TAF1C: variants seen among roughly 807,000 people sequenced by gnomAD.
TAF1C encodes the protein TATA box-binding protein-associated factor RNA polymerase I subunit C.
Under a neutral mutation model 70.5 loss-of-function variants are expected in TAF1C, and 79 were observed. The ratio of observed to expected loss-of-function variants is 1.12; its 90% CI spans 0.93 to 1.35. TAF1C has a LOEUF of 1.35. TAF1C is among the 40% of genes most tolerant of loss of function. TAF1C has a pLI of 0.00. For missense variants in TAF1C, 1,412 were observed against 1,127.8 expected (o/e 1.25, Z -3.61); for synonymous variants, 614 against 491.1 (o/e 1.25, Z -3.31).
Position 84,184,983 on chromosome 16 carries a change from G to T in TAF1C, c.6C>A (p.Asp2Glu), listed in dbSNP as rs781491843. 1.2e-5 allele frequency: 19 copies of T among 1,613,120 alleles called. 2 individuals are homozygous for T. The South Asian group carries it at 1.9e-4, about 16-fold the overall frequency. Reference protein sequence around the residue: MDFPSSLRPALF... With the variant: MEFPSSLRPALF... ...ATGCAGGGCGGAGGGAGCTGGGGAA[G>T]TCCATCCTGGAAACAAGGACCAAGC... The change falls in exon 2 of 15, where the codon GAC becomes GAA. Residue 2 changes from aspartate (D) to glutamate (E), a missense_variant. By Grantham distance (45) the Asp-to-Glu change is conservative. Coordinates refer to ENST00000566732, the MANE Select transcript of TAF1C (RefSeq NM_001243156.2).
chr16:84,183,853 T>A, intron 2 of TAF1C, 75 bp from the exon 3 acceptor site: 1 of 1,156,680 alleles, frequency 8.6e-7, no homozygotes. Context: ...CAGGCATTCA[T>A]CTCTTATCAA....
intron 12 of TAF1C, 169 bp downstream of exon 12, chr16:84,180,874 G>T (rs1249172629): frequency 9.1e-6 from 13 of 1,422,336 alleles, no homozygotes; most frequent in Admixed American, 2.9e-5. Flanking sequence ...CTGCCTGTTA[G>T]CACCGACTGT....
chr16:84,184,208 G>A (rs891422089), intron 2 of TAF1C, among the ~76,000 whole-genome samples: 9 of 152,172 alleles, frequency 5.9e-5, no homozygotes, highest in Non-Finnish European at 1.2e-4. Flanking sequence ...ACATTCAGGG[G>A]ACAAAAGAGC....
At position 84,182,722 on chromosome 16, in the gene TAF1C, G is replaced by A. The variant is rs1420397275; in HGVS notation, c.483-282C>T. Reference sequence around the variant, plus strand: ...CCTTTCTGGGACTTCTGGTGCCGCAGGAAGGACACTGGCTCTTTCCTTAGA... The same window carrying A: ...CCTTTCTGGGACTTCTGGTGCCGCAAGAAGGACACTGGCTCTTTCCTTAGA... On this transcript the variant is annotated intron_variant, in intron 6 of 14. Coordinates refer to ENST00000566732, the MANE Select transcript of TAF1C (RefSeq NM_001243156.2). The surrounding 1 kb of genome is among the most constrained non-coding windows in gnomAD (Gnocchi z 5.0). Among the ~76,000 whole-genome samples, 1 of 152,200 alleles carries A rather than the reference G, an allele frequency of 6.6e-6. No homozygotes were observed. Among genetic ancestry groups the A allele is most frequent in the Non-Finnish European group, 1.5e-5 (1 of 68,038 alleles).
intron 1 of TAF1C, chr16:84,185,512 T>C (rs1436166817): frequency 1.3e-5 from 2 of 152,400 alleles, no homozygotes; most frequent in Non-Finnish European, 2.9e-5. Context: ...ACGCTCAAGT[T>C]ACTCCACAGC....
rs374318119 is a variant in TAF1C, at chr16:84,181,743, C to A, written c.956+3G>T. 3.1e-6 allele frequency: 5 copies of A among 1,613,892 alleles called. No individual in the cohort carries two copies. The highest frequency in any genetic ancestry group is 4.2e-6 in the Non-Finnish European group (5 of 1,179,892). On this transcript the variant is annotated splice_donor_region_variant and intron_variant, in intron 9 of 14. Transcript: ENST00000566732. Reference sequence around the variant, plus strand: ...CCTCACCGACCAACCTGACCCCCCTCACCTGAGGCTGATCCCCGTGGCCCC... The same window carrying A: ...CCTCACCGACCAACCTGACCCCCCTAACCTGAGGCTGATCCCCGTGGCCCC...
rs777902421 is a variant in TAF1C, at chr16:84,182,482, CAG to C, written c.483-44_483-43del. ...AGCAGGAGGATCACTCGGTGGCACT[CAG>C]GGGAGGACAGGTCCCATCCCAAGGA... is the stretch of plus-strand genomic sequence containing the variant. On this transcript the variant is annotated intron_variant, in intron 6 of 14. Coordinates refer to ENST00000566732, the MANE Select transcript of TAF1C (RefSeq NM_001243156.2). The surrounding 1 kb of genome is among the most constrained non-coding windows in gnomAD (Gnocchi z 5.0). 6.5e-6 allele frequency: 10 copies of C among 1,547,162 alleles called. No homozygotes were observed. The highest frequency in any genetic ancestry group is 3.5e-5 in the South Asian group (3 of 85,602).
rs373089374 is a variant in TAF1C at position 84,183,196 on chromosome 16, C to A, written c.409-47G>T. 3.3e-5 allele frequency: 54 copies of A among 1,613,992 alleles called. No homozygotes were observed. In the African/African-American group the frequency reaches 6.4e-4, roughly 19 times the overall value. ...GGCTCACACACCCTCGAGTTCACCC[C>A]TGAAGGACAGCAGGGAGTCCCCACC... On this transcript the variant is annotated intron_variant, in intron 5 of 14. Coordinates refer to ENST00000566732, the MANE Select transcript of TAF1C (RefSeq NM_001243156.2).
intron 1 of TAF1C, among the ~76,000 whole-genome samples, 163 bp downstream of exon 1, chr16:84,186,738 C>G (rs2288026): frequency 0.081 from 12,305 of 152,230 alleles, 628 homozygotes; most frequent in South Asian, 0.17. Context: ...ACCTCCAAGG[C>G]TACAGAACTC....
At position 84,178,756 on chromosome 16, in the gene TAF1C, A is replaced by G. The variant is rs544469664; in HGVS notation, c.*185T>C. 34 of 632,198 alleles carry G rather than the reference A, an allele frequency of 5.4e-5. 1 individual carries two copies. The South Asian group carries it at 7.0e-4, about 13-fold the overall frequency. The allele number at this position is 632,198 out of a possible 1,614,324, so 39.2% of individuals were successfully genotyped here. ...CAGGCGAATATACAAAATACAAAAGAAACTACTACTGTATTTTGTTGCCCT... is the reference window on the plus strand; with the variant it reads ...CAGGCGAATATACAAAATACAAAAGGAACTACTACTGTATTTTGTTGCCCT... On this transcript the variant is annotated 3_prime_UTR_variant, in exon 15 of 15. Transcript: ENST00000566732.
intron 2 of TAF1C, among the ~76,000 whole-genome samples, chr16:84,184,347 C>T (rs2089368794): frequency 6.6e-6 from 1 of 152,190 alleles, no homozygotes; most frequent in South Asian, 2.1e-4. Flanking sequence ...ACCCACTTGC[C>T]TCTGCCAGGC....
chr16:84,184,242 G>T (rs975596338), intron 2 of TAF1C, among the ~76,000 whole-genome samples: 1 of 152,194 alleles, frequency 6.6e-6, no homozygotes. Flanking sequence ...TCCCAGAGGA[G>T]CCCCAATTTG....
chr16:84,179,120 G>A lies in TAF1C; in HGVS notation c.2353C>T (p.Gln785Ter). 1.9e-6 allele frequency: 3 copies of A among 1,609,520 alleles called. No individual in the cohort carries two copies. The highest frequency in any genetic ancestry group is 2.5e-6 in the Non-Finnish European group (3 of 1,179,092). Reference sequence around the variant, plus strand: ...ATGTAGTCACGGAGCATCTGCCGCTGCTCTGATGGGACGCCCTGGGCGCAT... The same window carrying A: ...ATGTAGTCACGGAGCATCTGCCGCTACTCTGATGGGACGCCCTGGGCGCAT... ...DACAQGVPSE[Q>*]RQMLRDYMAK... Residue 785 changes from glutamine to a stop codon, truncating the protein, a stop_gained, in exon 15 of 15, where the codon CAG becomes TAG. Coordinates refer to ENST00000566732, the MANE Select transcript of TAF1C (RefSeq NM_001243156.2). LOFTEE classifies it low-confidence loss of function (END_TRUNC).
At position 84,183,428 on chromosome 16, in the gene TAF1C, C is replaced by G. The variant is rs761034744; in HGVS notation, c.300G>C (p.Val100=). 3 of 1,612,654 alleles carry G rather than the reference C, an allele frequency of 1.9e-6. No individual in the cohort carries two copies. The highest frequency in any genetic ancestry group is 2.5e-6 in the Non-Finnish European group (3 of 1,179,270). ...GCRYRKRPRV[V]LDVTEQISRF... is the part of the protein sequence containing the mutation. Reference sequence around the variant, plus strand: ...CACTCACCTGCTCAGTCACATCCAGCACGACTCGGGGCCGCTTCCGATACC... The same window carrying G: ...CACTCACCTGCTCAGTCACATCCAGGACGACTCGGGGCCGCTTCCGATACC... The change falls in exon 4 of 15, where the codon GTG becomes GTC. Residue 100 remains valine, a synonymous_variant. Transcript: ENST00000566732.
Position 84,179,715 on chromosome 16 carries a change from C to G in TAF1C, c.1758G>C (p.Gly586=). Residue 586 remains glycine, a synonymous_variant, in exon 15 of 15, where the codon GGG becomes GGC. Transcript: ENST00000566732. ...QVDSSLRRDA[G]PPGDTQPDCH... is the part of the protein sequence containing the mutation. Reference sequence around the variant, plus strand: ...AGTCAGGTTGGGTGTCGCCAGGAGGCCCAGCATCTCTGCGGAGGCTGGAGT... The same window carrying G: ...AGTCAGGTTGGGTGTCGCCAGGAGGGCCAGCATCTCTGCGGAGGCTGGAGT... The G allele has an allele frequency of 6.2e-7, 1 of 1,612,278 alleles. No individual in the cohort carries two copies. Among genetic ancestry groups the G allele is most frequent in the Non-Finnish European group, 8.5e-7 (1 of 1,179,888 alleles).
In TAF1C at chr16:84,179,104, C is replaced by T. The variant is rs4150176; in HGVS notation, c.2369G>A (p.Arg790His). The T allele has an allele frequency of 0.044, 71,164 of 1,609,344 alleles. 1,834 individuals are homozygous for T. The highest frequency in any genetic ancestry group is 0.11 in the Middle Eastern group (685 of 6,056). ...GGGTGGTAGCTTGGCCATGTAGTCACGGAGCATCTGCCGCTGCTCTGATGG... is the reference window on the plus strand; with the variant it reads ...GGGTGGTAGCTTGGCCATGTAGTCATGGAGCATCTGCCGCTGCTCTGATGG... ...GVPSEQRQML[R>H]DYMAKLPPQR... is the part of the protein sequence containing the mutation. The change falls in exon 15 of 15, where the codon CGT (arginine) becomes CAT (histidine). Residue 790 changes from arginine (R) to histidine (H), a missense_variant. Physicochemically the swap from Arg to His is conservative, Grantham distance 29 (BLOSUM62 0). Coordinates refer to ENST00000566732, the MANE Select transcript of TAF1C (RefSeq NM_001243156.2).
At chr16:84,183,831 C>T in intron 2 of TAF1C, 53 bp from the exon 3 acceptor site, 1 of 1,415,306 alleles carries the variant, frequency 7.1e-7, no homozygotes, top group Non-Finnish European at 9.8e-7. Context: ...CCTCCCTGGG[C>T]CAGGCTGTGC....
chr16:84,182,457 A>G lies in TAF1C; in HGVS notation c.483-17T>C. 2 of 1,591,526 alleles carry G rather than the reference A, an allele frequency of 1.3e-6. No homozygotes were observed. Among genetic ancestry groups the G allele is most frequent in the South Asian group, 2.2e-5 (2 of 89,354 alleles). On this transcript the variant is annotated splice_polypyrimidine_tract_variant and intron_variant, in intron 6 of 14. Coordinates refer to ENST00000566732, the MANE Select transcript of TAF1C (RefSeq NM_001243156.2). This position sits in a 1 kb window ranked among gnomAD's most constrained non-coding sequence, Gnocchi z 5.0. ...CAGGGACACCTGGGGACCAGAGAAC[A>G]GCAGGAGGATCACTCGGTGGCACTC...
At chr16:84,181,711 A>G in intron 9 of TAF1C, 35 bp downstream of exon 9, 1 of 1,613,812 alleles carries the variant, frequency 6.2e-7, no homozygotes, top group Non-Finnish European at 8.5e-7. Context: ...CCCTGCCTCC[A>G]GCCCCTCCTC....
Sources: gnomAD v4.1 joint callset for allele counts (sites outside exome capture counted in the v4.1 genomes callset) on GRCh38, gnomAD v4.1.1 for gene constraint, Gnocchi (gnomAD v3.1) non-coding constraint, MANE v1.5 for transcripts, NCBI Gene and HGNC (gene_info 2026-07-23, HGNC 2026-07-21) for gene names.